The following KDM6A variants were observed in gnomAD, a reference collection of about 807,000 sequenced individuals.
KDM6A encodes the protein lysine-specific demethylase 6A.
A neutral mutation model predicts 117.6 loss-of-function variants in KDM6A; 11 were observed. That is an observed-to-expected ratio of 0.09 (90% CI 0.06 to 0.15). The LOEUF is 0.15. Ranked by LOEUF, KDM6A falls within the 10% of genes least tolerant of loss-of-function variation. The pLI is 1.00. For missense variants in KDM6A, 799 were observed against 1,077.3 expected (o/e 0.74, Z 3.62); for synonymous variants, 384 against 396.1 (o/e 0.97, Z 0.36).
chrX:45,047,664 C>CTTTTTTTTTCTTTTTTTTT (rs2043612560), intron 8 of KDM6A, among the ~76,000 whole-genome samples: 1 of 27,215 alleles, frequency 3.7e-5, no homozygotes, highest in Non-Finnish European at 8.2e-5. Context: ...TATCTGCTTG[C>CTTTTTTTTTCTTTTTTTTT]TTTTTTTTTC....
chrX:45,054,040 T>C (rs1182268419), intron 10 of KDM6A, 85 bp downstream of exon 10: 1 of 922,846 alleles, frequency 1.1e-6, no homozygotes, highest in Admixed American at 2.2e-5. Context: ...AGTTTACATA[T>C]GTAACCTGAT....
intron 17 of KDM6A, among the ~76,000 whole-genome samples, chrX:45,067,667 T>TTTTTTTC (rs1556322067): frequency 3.0e-5 from 3 of 100,815 alleles, no homozygotes; most frequent in African/African-American, 1.2e-4. Context: ...TTTTTTTTTT[T>TTTTTTTC]TTTGAGATGG....
chrX:44,916,321 T>C (rs1361790560), intron 2 of KDM6A, among the ~76,000 whole-genome samples: 2 of 110,425 alleles, frequency 1.8e-5, no homozygotes, highest in African/African-American at 6.6e-5. Context: ...TAGTCTTCTG[T>C]GGGGAGGAAT....
At chrX:45,062,876 C>G (rs747040353) in intron 16 of KDM6A, 128 bp downstream of exon 16, 7 of 479,794 alleles carry the variant, frequency 1.5e-5, no homozygotes, top group Non-Finnish European at 2.6e-5. Context: ...ATTTAGTAAT[C>G]TCTGTATTTT....
At chrX:45,050,962 A>T (rs903511206) in intron 8 of KDM6A, among the ~76,000 whole-genome samples, 6 of 111,241 alleles carry the variant, frequency 5.4e-5, no homozygotes, top group Non-Finnish European at 1.1e-4. Flanking sequence ...TAGATTTTTA[A>T]CTACTTTTGT....
chrX:44,950,952 A>G (rs752077980), intron 2 of KDM6A, among the ~76,000 whole-genome samples: 1 of 110,065 alleles, frequency 9.1e-6, no homozygotes, highest in South Asian at 3.9e-4. Flanking sequence ...AAAGAGGACT[A>G]ACTTTCTACC....
At chrX:45,043,865 G>A (rs183359663) in intron 8 of KDM6A, among the ~76,000 whole-genome samples, 39 of 112,007 alleles carry the variant, frequency 3.5e-4, no homozygotes, top group African/African-American at 1.2e-3. Context: ...TACATGTGCC[G>A]CACAATGATG....
At chrX:45,068,095 A>G (rs2044621500) in intron 17 of KDM6A, among the ~76,000 whole-genome samples, 1 of 111,895 alleles carries the variant, frequency 8.9e-6, no homozygotes, top group Non-Finnish European at 1.9e-5. Flanking sequence ...TGCACCTTTT[A>G]GTATATAAAT....
At chrX:45,018,376 G>A (rs746693354) in intron 5 of KDM6A, among the ~76,000 whole-genome samples, 18 of 111,565 alleles carry the variant, frequency 1.6e-4, no homozygotes, top group Non-Finnish European at 3.0e-4. Context: ...AAGAGTAAAC[G>A]TAGACAACTG....
intron 6 of KDM6A, among the ~76,000 whole-genome samples, chrX:45,027,645 T>G (rs756297252): frequency 3.6e-5 from 4 of 111,183 alleles, no homozygotes; most frequent in Non-Finnish European, 5.7e-5. Context: ...ATCCTGAGAT[T>G]TGGCTTAGAA....
intron 4 of KDM6A, among the ~76,000 whole-genome samples, chrX:44,984,425 ATTTGTCAAT>A (rs1424562818): frequency 9.4e-4 from 104 of 111,017 alleles, no homozygotes; most frequent in African/African-American, 3.3e-3. Context: ...ATTAGATCCC[ATTTGTCAAT>A]TTTGGCTTTT....
At chrX:45,040,803 C>A (rs2043114320) in intron 8 of KDM6A, among the ~76,000 whole-genome samples, 1 of 77,444 alleles carries the variant, frequency 1.3e-5, no homozygotes, top group Non-Finnish European at 2.5e-5. Context: ...CCGGACGGGG[C>A]GGCTGGCCGG....
At chrX:44,991,200 G>A (rs1200275372) in intron 4 of KDM6A, among the ~76,000 whole-genome samples, 1 of 111,554 alleles carries the variant, frequency 9.0e-6, no homozygotes, top group African/African-American at 3.3e-5. Flanking sequence ...TTTCTTCCTT[G>A]CTTCAATCAA....
At chrX:45,058,086 C>G (rs868118170) in intron 10 of KDM6A, among the ~76,000 whole-genome samples, 4 of 75,568 alleles carry the variant, frequency 5.3e-5, no homozygotes, top group Non-Finnish European at 7.5e-5. Context: ...CCCCCCCCCC[C>G]CTTTTTTTTT....
intron 2 of KDM6A, among the ~76,000 whole-genome samples, chrX:44,924,648 G>GGTGTGTGTGTGTGTGT (rs112587323): frequency 2.2e-4 from 20 of 90,456 alleles, no homozygotes; most frequent in African/African-American, 7.3e-4. Context: ...GGTGGTCCTG[G>GGTGTGTGTGTGTGTGT]GTGTGTGTGT....
intron 4 of KDM6A, among the ~76,000 whole-genome samples, chrX:45,003,768 CCT>C (rs951570279): frequency 2.8e-5 from 3 of 107,694 alleles, no homozygotes; most frequent in African/African-American, 6.8e-5. Flanking sequence ...TCTGTCTCTT[CCT>C]CTCTCTGTCT....
rs775936223 is a variant in KDM6A at position 45,070,367 on chromosome X, G to C, written c.2858+10G>C. 1 of 1,202,072 alleles carries C rather than the reference G, an allele frequency of 8.3e-7. No individual in the cohort carries two copies. Among genetic ancestry groups the C allele is most frequent in the South Asian group, 1.8e-5 (1 of 56,662 alleles). On this transcript the variant is annotated intron_variant, in intron 18 of 29. Coordinates refer to ENST00000611820, the MANE Select transcript of KDM6A (RefSeq NM_001291415.2). Reference sequence around the variant, plus strand: ...TTCTGAAGGCATGCAGGTTAGTGTGGGAAAGTTCATCAAAGTGAAAATGTT... The same window carrying C: ...TTCTGAAGGCATGCAGGTTAGTGTGCGAAAGTTCATCAAAGTGAAAATGTT...
At chrX:45,078,604 C>T (rs1352319012) in intron 20 of KDM6A, 99 bp downstream of exon 20, 31 of 613,113 alleles carry the variant, frequency 5.1e-5, no homozygotes, top group African/African-American at 1.4e-4. Flanking sequence ...TTTCTTTTTT[C>T]TTTTTTTTTC....
chrX:44,968,220 G>C (rs1447773982), intron 3 of KDM6A, among the ~76,000 whole-genome samples: 4 of 112,541 alleles, frequency 3.6e-5, no homozygotes, highest in Non-Finnish European at 7.5e-5. Context: ...TATTGAACAT[G>C]GGCCAGCCTG....
Sources: gnomAD v4.1 joint callset for allele counts (sites outside exome capture counted in the v4.1 genomes callset) on GRCh38, gnomAD v4.1.1 for gene constraint, MANE v1.5 for transcripts, NCBI Gene and HGNC (gene_info 2026-07-23, HGNC 2026-07-21) for gene names.